Variants in RALGAPA2 observed in about 807,000 individuals in gnomAD.
RALGAPA2 encodes Ral GTPase activating protein catalytic subunit alpha 2.
Under a neutral mutation model 230.4 loss-of-function variants are expected in RALGAPA2, and 139 were observed. The ratio of observed to expected loss-of-function variants is 0.60; its 90% CI spans 0.53 to 0.69. The LOEUF is 0.69. RALGAPA2 is among the 30% of genes least tolerant of loss of function. RALGAPA2 has a pLI of 0.00. For missense variants in RALGAPA2, 2,163 were observed against 2,276.0 expected, an observed-to-expected ratio of 0.95 and a Z score of 1.01; for synonymous variants, 847 against 837.8, an observed-to-expected ratio of 1.01 and a Z score of -0.19.
At chr20:20,524,628 C>T in intron 29 of RALGAPA2, 85 bp from the exon 30 acceptor site, 2 of 1,533,594 alleles carry the variant, frequency 1.3e-6, no homozygotes. Context: ...TCCCTACACC[C>T]AGTATTCAGT....
chr20:20,606,651 A>G (rs2065830261), intron 14 of RALGAPA2, among the ~76,000 whole-genome samples: 1 of 151,880 alleles, frequency 6.6e-6, no homozygotes, highest in South Asian at 2.1e-4. Context: ...ACCACCTCCC[A>G]GCCTCCAGGA....
intron 37 of RALGAPA2, among the ~76,000 whole-genome samples, chr20:20,413,058 C>T (rs1355929417): frequency 6.6e-6 from 1 of 152,112 alleles, no homozygotes; most frequent in South Asian, 2.1e-4. Context: ...TGGGGAAGTC[C>T]GCATGACGTC....
chr20:20,545,698 A>G (rs1028991202), intron 24 of RALGAPA2, among the ~76,000 whole-genome samples: 7 of 152,250 alleles, frequency 4.6e-5, no homozygotes, highest in Admixed American at 6.5e-5. Context: ...TGAATATATA[A>G]CAGCTTATAG....
rs778896866 is a variant in RALGAPA2, at chr20:20,503,372, T to C, written c.5187A>G (p.Ser1729=). ...FHVSTRMPSD[S]DDSLTKKLRH... The stretch of plus-strand genomic sequence containing the variant: ...TTACCTTTTTGGTGAGGGAATCATC[T>C]GAGTCTGACGGCATTCGAGTGGAAA... Residue 1729 remains serine, a synonymous_variant, in exon 35 of 40, where the codon TCA becomes TCG. Coordinates refer to ENST00000202677, the MANE Select transcript of RALGAPA2 (RefSeq NM_020343.4). 75 of 1,598,826 alleles carry C rather than the reference T, an allele frequency of 4.7e-5. No individual in the cohort carries two copies. In the Admixed American group the frequency reaches 1.2e-3, roughly 26 times the overall value.
intron 37 of RALGAPA2, among the ~76,000 whole-genome samples, chr20:20,443,805 C>T (rs746427015): frequency 7.2e-5 from 11 of 152,216 alleles, no homozygotes; most frequent in Non-Finnish European, 1.2e-4. Context: ...AAGCTAAGTC[C>T]TGGATAGCTG....
chr20:20,502,070 G>A (rs1164936677), intron 35 of RALGAPA2, among the ~76,000 whole-genome samples: 1 of 152,148 alleles, frequency 6.6e-6, no homozygotes, highest in East Asian at 1.9e-4. Flanking sequence ...TAGAAATATT[G>A]TGAAAATTAC....
intron 38 of RALGAPA2, among the ~76,000 whole-genome samples, chr20:20,402,813 C>G (rs576556944): frequency 6.6e-6 from 1 of 152,334 alleles, no homozygotes; most frequent in African/African-American, 2.4e-5. Flanking sequence ...TCACAGCACT[C>G]TGCTGCTTCA....
chr20:20,591,247 C>T lies in RALGAPA2; in HGVS notation c.2271G>A (p.Gln757=). 1 of 1,613,936 alleles carries T rather than the reference C, an allele frequency of 6.2e-7. No individual in the cohort carries two copies. Among genetic ancestry groups the T allele is most frequent in the East Asian group, 2.2e-5 (1 of 44,872 alleles). ...AAGSGHLTVG[Q]QQQVLRSSST... is the part of the protein sequence containing the mutation. ...TGCTGCTCCGAAGGACCTGCTGCTG[C>T]TGTCCCACTGTGAGATGGCCAGATC... is the stretch of plus-strand genomic sequence containing the variant. The change falls in exon 17 of 40, where the codon CAG becomes CAA. Residue 757 remains glutamine, a synonymous_variant. Transcript: ENST00000202677.
intron 3 of RALGAPA2, 58 bp from the exon 4 acceptor site, chr20:20,653,645 C>T (rs1449887875): frequency 2.9e-6 from 3 of 1,045,628 alleles, no homozygotes; most frequent in Non-Finnish European, 2.8e-6. Flanking sequence ...ATTTTCATGA[C>T]AGGCCCATAT....
intron 16 of RALGAPA2, among the ~76,000 whole-genome samples, chr20:20,593,662 T>C (rs1029318608): frequency 6.6e-6 from 1 of 152,242 alleles, no homozygotes; most frequent in South Asian, 2.1e-4. Flanking sequence ...TGCCATTTTT[T>C]ATGGATAGTG....
At chr20:20,418,833 G>A (rs1417330947) in intron 37 of RALGAPA2, among the ~76,000 whole-genome samples, 3 of 152,102 alleles carry the variant, frequency 2.0e-5, no homozygotes, top group Non-Finnish European at 2.9e-5. Flanking sequence ...TGAAGTCCTG[G>A]ACTCAAGCAA....
chr20:20,500,373 G>C (rs1307573901), intron 35 of RALGAPA2, among the ~76,000 whole-genome samples: 1 of 152,116 alleles, frequency 6.6e-6, no homozygotes, highest in Non-Finnish European at 1.5e-5. Flanking sequence ...TAAATTTATG[G>C]AATATTCTAA....
At chr20:20,472,558 T>C (rs1047108329) in intron 37 of RALGAPA2, 1 of 237,042 alleles carries the variant, frequency 4.2e-6, no homozygotes, top group African/African-American at 2.3e-5. Context: ...TAAGAAGATA[T>C]GAGCATCTCA....
At chr20:20,654,770 T>C (rs2146621243) in intron 3 of RALGAPA2, among the ~76,000 whole-genome samples, 1 of 152,324 alleles carries the variant, frequency 6.6e-6, no homozygotes, top group Admixed American at 6.5e-5. Flanking sequence ...GAAGTGGGAT[T>C]GCTGGGGCAT....
intron 1 of RALGAPA2, among the ~76,000 whole-genome samples, chr20:20,700,376 G>A (rs1198966292): frequency 6.6e-6 from 1 of 151,944 alleles, no homozygotes; most frequent in Admixed American, 6.6e-5. Flanking sequence ...TGGATGACGG[G>A]ATCCATACCC....
chr20:20,482,450 G>A (rs1180062415), intron 36 of RALGAPA2, among the ~76,000 whole-genome samples: 2 of 152,108 alleles, frequency 1.3e-5, no homozygotes, highest in Non-Finnish European at 2.9e-5. Context: ...AGTGGGTGTT[G>A]GCAGAGATTC....
At chr20:20,643,259 G>A (rs1375147733) in intron 5 of RALGAPA2, among the ~76,000 whole-genome samples, 1 of 152,148 alleles carries the variant, frequency 6.6e-6, no homozygotes, top group Non-Finnish European at 1.5e-5. Context: ...AGCAGAATCA[G>A]AATTAGAACT....
chr20:20,408,688 T>C (rs1283451646), intron 38 of RALGAPA2, among the ~76,000 whole-genome samples: 5 of 152,132 alleles, frequency 3.3e-5, no homozygotes, highest in African/African-American at 1.2e-4. Flanking sequence ...TCTTTCTTGG[T>C]GATATGATTG....
rs1007769193 is a variant in RALGAPA2, at chr20:20,616,153, T to C, written c.1578A>G (p.Glu526=). ...AGAGCACAGGAACTTCAGCACATGG[T>C]TCCAACAAAAAGATGTTTGCAGAGT... ...LTNSANIFLL[E]PCAEVPVLLK... The change falls in exon 13 of 40, where the codon GAA becomes GAG. Residue 526 remains glutamate, a synonymous_variant. Transcript: ENST00000202677. 4 of 1,545,758 alleles carry C rather than the reference T, an allele frequency of 2.6e-6. No homozygotes were observed. Among genetic ancestry groups the C allele is most frequent in the Non-Finnish European group, 3.5e-6 (4 of 1,146,654 alleles).
Sources: allele counts gnomAD v4.1 joint callset (sites outside exome capture counted in the v4.1 genomes callset), GRCh38; gene constraint gnomAD v4.1.1; transcripts MANE v1.5; gene names NCBI Gene and HGNC (gene_info 2026-07-23, HGNC 2026-07-21).